Variants in BPIFB1 observed in about 807,000 individuals in gnomAD.
BPIFB1 encodes the protein BPI fold-containing family B member 1.
In BPIFB1, 34 loss-of-function variants were observed where a neutral mutation model predicts 55.1. The ratio of observed to expected loss-of-function variants is 0.62; its 90% CI spans 0.47 to 0.82. The LOEUF (loss-of-function observed/expected upper bound fraction) is 0.82. Among genes scored for constraint, BPIFB1 ranks in the 40% least tolerant of loss-of-function variants. The pLI, the probability that BPIFB1 is intolerant of heterozygous loss-of-function variation, is 0.00. For missense variants in BPIFB1, 532 were observed against 593.1 expected (o/e 0.90, Z 1.07); for synonymous variants, 236 against 245.3 (o/e 0.96, Z 0.35).
In BPIFB1 at chr20:33,288,839, G is replaced by C; in HGVS notation, c.214G>C (p.Val72Leu). 3 of 1,613,924 alleles carry C rather than the reference G, an allele frequency of 1.9e-6. No individual in the cohort carries two copies. Among genetic ancestry groups the C allele is most frequent in the Middle Eastern group, 1.6e-4 (1 of 6,062 alleles). ...MREKPAGGIP[V>L]LGSLVNTVLK... The stretch of plus-strand genomic sequence containing the variant: ...GGAAAAGCCAGCCGGAGGCATCCCT[G>C]TGCTGGGCAGCCTGGTGAACACCGT... The change falls in exon 3 of 16, where the codon GTG becomes CTG. Residue 72 changes from valine (V) to leucine (L), a missense_variant. By Grantham distance (32) the Val-to-Leu change is conservative. Coordinates refer to ENST00000253354, the MANE Select transcript of BPIFB1 (RefSeq NM_033197.3).
chr20:33,303,856 G>A, intron 11 of BPIFB1, 102 bp from the exon 12 acceptor site: 4 of 1,191,852 alleles, frequency 3.4e-6, no homozygotes, highest in Non-Finnish European at 4.9e-6. Context: ...AGGTCCCAGA[G>A]CCAGGAACTG....
intron 12 of BPIFB1, among the ~76,000 whole-genome samples, chr20:33,304,493 A>G (rs985458500): frequency 6.6e-6 from 1 of 152,216 alleles, no homozygotes; most frequent in African/African-American, 2.4e-5. Flanking sequence ...CACATATCAA[A>G]TCAGACTATC....
At chr20:33,292,794 C>T (rs1980516479) in intron 6 of BPIFB1, among the ~76,000 whole-genome samples, 1 of 152,246 alleles carries the variant, frequency 6.6e-6, no homozygotes, top group East Asian at 1.9e-4. Flanking sequence ...AATTCATCCA[C>T]ATTAACCAGT....
chr20:33,291,858 G>A, intron 5 of BPIFB1, 49 bp from the exon 6 acceptor site: 1 of 1,515,024 alleles, frequency 6.6e-7, no homozygotes, highest in Non-Finnish European at 9.2e-7. Flanking sequence ...AGGAAGGGGT[G>A]ATCATCTCTG....
At chr20:33,292,600 G>A (rs59169647) in intron 6 of BPIFB1, among the ~76,000 whole-genome samples, 24 of 152,300 alleles carry the variant, frequency 1.6e-4, no homozygotes, top group Non-Finnish European at 2.9e-4. Context: ...TTTAACAATT[G>A]GTTCTCAAAA....
Position 33,289,965 on chromosome 20 carries a change from C to A in BPIFB1, c.338C>A (p.Pro113His). ...GACCAGGAGCTGCTAGTCAAGATCC[C>A]CCTGGACATGGTGGCTGGATTCAAC... ...ANDQELLVKIPLDMVAGFNTP... is the reference protein window; with the variant it reads ...ANDQELLVKIHLDMVAGFNTP... Residue 113 changes from proline to histidine, a missense_variant, in exon 4 of 16, where the codon CCC becomes CAC. Physicochemically the swap from Pro to His is moderately conservative, Grantham distance 77 (BLOSUM62 -2). Transcript: ENST00000253354. 1 of 1,614,150 alleles carries A rather than the reference C, an allele frequency of 6.2e-7. No homozygotes were observed. The highest frequency in any genetic ancestry group is 2.2e-5 in the East Asian group (1 of 44,878).
At chr20:33,287,653 A>G (rs979786469) in intron 2 of BPIFB1, among the ~76,000 whole-genome samples, 2 of 152,198 alleles carry the variant, frequency 1.3e-5, no homozygotes, top group African/African-American at 4.8e-5. Flanking sequence ...GAGCTGGTCC[A>G]CAGTTGGCAA....
chr20:33,307,551 C>T (rs554440653), intron 15 of BPIFB1: 1 of 155,842 alleles, frequency 6.4e-6, no homozygotes, highest in Non-Finnish European at 1.4e-5. Context: ...AGGGGTGAGC[C>T]CTGTGGGTAG....
At chr20:33,308,527 CACAT>C (rs57237162) in intron 15 of BPIFB1, among the ~76,000 whole-genome samples, 4,791 of 146,012 alleles carry the variant, frequency 0.033, 268 homozygotes, top group African/African-American at 0.12. Context: ...CACCTTTATA[CACAT>C]ACATACACAC....
chr20:33,292,291 C>T (rs1186383640), intron 6 of BPIFB1, among the ~76,000 whole-genome samples: 4 of 152,106 alleles, frequency 2.6e-5, no homozygotes, highest in South Asian at 2.1e-4. Context: ...GTAGCTTTTG[C>T]GGATTTCCCT....
chr20:33,296,222 T>C (rs996257105), intron 6 of BPIFB1, among the ~76,000 whole-genome samples: 2 of 152,092 alleles, frequency 1.3e-5, no homozygotes, highest in African/African-American at 4.8e-5. Context: ...AATTGTGGGA[T>C]AAAATGCAGA....
In BPIFB1 at chr20:33,306,355, G is replaced by A. The variant is rs1414723538; in HGVS notation, c.1318+290G>A. Among the ~76,000 whole-genome samples the A allele has an allele frequency of 3.3e-5, 5 of 152,194 alleles. No individual in the cohort carries two copies. The South Asian group carries it at 6.2e-4, about 19-fold the overall frequency. ...GACAGAGGTGTAAGAGACAACTGGAGGCGCCTCAGCAGACCCTGTTCCCCC... is the reference window on the plus strand; with the variant it reads ...GACAGAGGTGTAAGAGACAACTGGAAGCGCCTCAGCAGACCCTGTTCCCCC... On this transcript the variant is annotated intron_variant, in intron 14 of 15. Transcript: ENST00000253354.
At position 33,287,881 on chromosome 20, in the gene BPIFB1, G is replaced by C. The variant is rs1980321008; in HGVS notation, c.116-860G>C. On this transcript the variant is annotated intron_variant, in intron 2 of 15. Transcript: ENST00000253354. ...AAGAGAAGCACACCAGAGCCATGAA[G>C]GGAATCCCCCCCATGCCCCTCCAGA... Among the ~76,000 whole-genome samples, 3 of 152,210 alleles carry C rather than the reference G, an allele frequency of 2.0e-5. No homozygotes were observed. In the South Asian group the frequency reaches 6.2e-4, roughly 31 times the overall value.
chr20:33,301,459 A>C, intron 9 of BPIFB1, 47 bp downstream of exon 9: 1 of 1,566,650 alleles, frequency 6.4e-7, no homozygotes, highest in Non-Finnish European at 8.7e-7. Flanking sequence ...AGGCCACATC[A>C]TAGGAATTTC....
chr20:33,298,556 GTA>G (rs72060952), intron 7 of BPIFB1, among the ~76,000 whole-genome samples: 18,528 of 152,150 alleles, frequency 0.12, 3,771 homozygotes, highest in African/African-American at 0.42. Flanking sequence ...TGGGTGTTTT[GTA>G]TAGGCACATC....
In BPIFB1 at chr20:33,291,044, C is replaced by A. The variant is rs760188535; in HGVS notation, c.453C>A (p.Thr151=). The A allele has an allele frequency of 6.2e-7, 1 of 1,613,710 alleles. No individual in the cohort carries two copies. ...IRMDTSASGP[T]RLVLSDCATS... ...TGGACACCAGTGCAAGTGGCCCCAC[C>A]CGCCTGGTCCTCAGTGACTGTGCCA... Residue 151 remains threonine, a synonymous_variant, in exon 5 of 16, where the codon ACC becomes ACA. Transcript: ENST00000253354.
At chr20:33,284,664 G>A (rs1217722112) in intron 1 of BPIFB1, among the ~76,000 whole-genome samples, 1 of 152,142 alleles carries the variant, frequency 6.6e-6, no homozygotes, top group Non-Finnish European at 1.5e-5. Flanking sequence ...TCAGATCTCT[G>A]CAGCGTCTCC....
At chr20:33,302,115 G>A (rs990798019) in intron 9 of BPIFB1, among the ~76,000 whole-genome samples, 2 of 152,126 alleles carry the variant, frequency 1.3e-5, no homozygotes, top group African/African-American at 4.8e-5. Flanking sequence ...CTGAGATCAG[G>A]AAGCTGCCCC....
At chr20:33,283,806 G>C (rs1980178278) in intron 1 of BPIFB1, among the ~76,000 whole-genome samples, 1 of 152,146 alleles carries the variant, frequency 6.6e-6, no homozygotes, top group African/African-American at 2.4e-5. Context: ...ACAGGGGCGT[G>C]TGTGGTGCCT....
Sources: allele counts gnomAD v4.1 joint callset (sites outside exome capture counted in the v4.1 genomes callset), GRCh38; gene constraint gnomAD v4.1.1; transcripts MANE v1.5; gene names NCBI Gene and HGNC (gene_info 2026-07-23, HGNC 2026-07-21).